EIF4G1: variants seen among roughly 807,000 people sequenced by gnomAD.
EIF4G1 encodes EIF4-gamma.
Under a neutral mutation model 187.8 loss-of-function variants are expected in EIF4G1, and 4 were observed. The ratio of observed to expected loss-of-function variants is 0.02; its 90% CI spans 0.01 to 0.05. EIF4G1 has a LOEUF of 0.05. Among genes scored for constraint, EIF4G1 ranks in the 10% least tolerant of loss-of-function variants. EIF4G1 has a pLI of 1.00. For missense variants in EIF4G1, 1,647 were observed against 2,081.1 expected (o/e 0.79, Z 4.06); for synonymous variants, 844 against 781.4 (o/e 1.08, Z -1.34).
chr3:184,331,326 C>T lies in EIF4G1; in HGVS notation c.4222C>T (p.Pro1408Ser). The T allele has an allele frequency of 6.2e-7, 1 of 1,614,176 alleles. No homozygotes were observed. The highest frequency in any genetic ancestry group is 1.1e-5 in the South Asian group (1 of 91,086). Residue 1408 changes from proline (P) to serine (S), a missense_variant, in exon 29 of 33, where the codon CCT becomes TCT. By Grantham distance (74) the Pro-to-Ser change is moderately conservative. This residue lies in a region of EIF4G1 where 543 missense variants were observed against 638.0 expected (regional missense o/e 0.85). Transcript: ENST00000346169. ...CGGGCTTAGCTGGAAGGAATTTCTACCTGAAGGCCAGGACATTGGTGCATT... is the reference window on the plus strand; with the variant it reads ...CGGGCTTAGCTGGAAGGAATTTCTATCTGAAGGCCAGGACATTGGTGCATT... ...EAGLSWKEFL[P>S]EGQDIGAFVA...
chr3:184,315,411 A>C, intron 1 of EIF4G1, 78 bp from the exon 2 acceptor site: 1 of 536,980 alleles, frequency 1.9e-6, no homozygotes, highest in South Asian at 1.4e-5. Flanking sequence ...GCCTGGTGCC[A>C]GCGAGACCTG....
chr3:184,335,142 T>C lies in EIF4G1; in HGVS notation c.*234T>C, dbSNP rs1345405009. 1.1e-5 allele frequency: 6 copies of C among 553,456 alleles called. No homozygotes were observed. The highest frequency in any genetic ancestry group is 1.9e-5 in the Non-Finnish European group (6 of 310,912). 34.3% of individuals were successfully genotyped at this position (553,456 alleles called of 1,614,324 possible). ...CTGGGGCACAGAGATATATTATATA[T>C]AAAGTCTTGAAATTTGGTGTGTCTT... On this transcript the variant is annotated 3_prime_UTR_variant, in exon 33 of 33. Coordinates refer to ENST00000346169, the MANE Select transcript of EIF4G1 (RefSeq NM_198241.3).
rs775162795 is a variant in EIF4G1 at position 184,315,505 on chromosome 3, A to G, written c.-75A>G. On this transcript the variant is annotated 5_prime_UTR_variant, in exon 2 of 33. Coordinates refer to ENST00000346169, the MANE Select transcript of EIF4G1 (RefSeq NM_198241.3). ...CAACCCCAGGCCCTCGGATGCCCAG[A>G]ACCTGTAGGCCGCACCGTGGACTTG... The G allele has an allele frequency of 8.7e-6, 6 of 690,474 alleles. No individual in the cohort carries two copies. Among genetic ancestry groups the G allele is most frequent in the South Asian group, 5.5e-5 (4 of 73,088 alleles). The allele number at this position is 690,474 out of a possible 1,614,324, so 42.8% of individuals were successfully genotyped here.
chr3:184,334,061 T>C lies in EIF4G1; in HGVS notation c.4619-666T>C, dbSNP rs370646202. On this transcript the variant is annotated intron_variant, in intron 32 of 32. Coordinates refer to ENST00000346169, the MANE Select transcript of EIF4G1 (RefSeq NM_198241.3). The surrounding 1 kb of genome is among the most constrained non-coding windows in gnomAD (Gnocchi z 5.8). The stretch of plus-strand genomic sequence containing the variant: ...AGTGTAAGGTTTGGTTTGGAAAGAC[T>C]GGTGGTGCCTTGTGGGCACTGGGGT... Among the ~76,000 whole-genome samples, 5 of 152,118 alleles carry C rather than the reference T, an allele frequency of 3.3e-5. No individual in the cohort carries two copies. The highest frequency in any genetic ancestry group is 1.9e-4 in the East Asian group (1 of 5,192).
At chr3:184,316,323 A>T in intron 4 of EIF4G1, 105 bp downstream of exon 4, 1 of 1,424,868 alleles carries the variant, frequency 7.0e-7, no homozygotes, top group Non-Finnish European at 9.6e-7. Context: ...ACCTGGCCTT[A>T]ATCCTCTGTG....
rs1726891765 is a variant in EIF4G1 at position 184,335,212 on chromosome 3, T to G, written c.*304T>G. On this transcript the variant is annotated 3_prime_UTR_variant, in exon 33 of 33. Transcript: ENST00000346169. ...ACGCCTGCCCCTGGGGTCCTTTTTTTTATTTTCTGAAAATCACTCTCGGGA... is the reference window on the plus strand; with the variant it reads ...ACGCCTGCCCCTGGGGTCCTTTTTTGTATTTTCTGAAAATCACTCTCGGGA... 5.4e-6 allele frequency: 2 copies of G among 373,618 alleles called. No individual in the cohort carries two copies. The highest frequency in any genetic ancestry group is 9.9e-6 in the Non-Finnish European group (2 of 201,118). The allele number at this position is 373,618 out of a possible 1,614,324, so 23.1% of individuals were successfully genotyped here.
intron 28 of EIF4G1, among the ~76,000 whole-genome samples, chr3:184,331,036 T>C (rs1331971594): frequency 1.3e-5 from 2 of 152,100 alleles, no homozygotes; most frequent in Non-Finnish European, 2.9e-5. Context: ...CACCGCCCGC[T>C]CCTGGGACGA....
At chr3:184,319,551 G>A in intron 6 of EIF4G1, 138 bp from the exon 7 acceptor site, 1 of 693,030 alleles carries the variant, frequency 1.4e-6, no homozygotes, top group Non-Finnish European at 2.7e-6. Context: ...TTCCCTGGGG[G>A]AGGAGGGCAG....
intron 23 of EIF4G1, 87 bp downstream of exon 23, chr3:184,327,070 T>C (rs1269096218): frequency 1.3e-6 from 2 of 1,578,028 alleles, no homozygotes; most frequent in African/African-American, 1.3e-5. Context: ...AATTTCTTCA[T>C]ACCTGTCCTG....
Position 184,321,866 on chromosome 3 carries a change from G to T in EIF4G1, c.1282G>T (p.Val428Leu). The change falls in exon 10 of 33, where the codon GTG becomes TTG. Residue 428 changes from valine to leucine, a missense_variant. Transcript: ENST00000346169. ...VSEPEEQAKE[V>L]TASMAPPTIP... ...TGAGCCAGAGGAGCAGGCCAAGGAGGTGACAGCATCAATGGCGCCCCCCAC... is the reference window on the plus strand; with the variant it reads ...TGAGCCAGAGGAGCAGGCCAAGGAGTTGACAGCATCAATGGCGCCCCCCAC... The T allele has an allele frequency of 6.2e-7, 1 of 1,614,110 alleles. No individual in the cohort carries two copies. The highest frequency in any genetic ancestry group is 8.5e-7 in the Non-Finnish European group (1 of 1,179,974).
rs199673780 is a variant in EIF4G1 at position 184,319,684 on chromosome 3, C to G, written c.425-5C>G. Reference sequence around the variant, plus strand: ...ACCATTCTTCTCCGTCCCCCCTCCCCCAAGCTGGCGCCTACTATCCAGCCC... The same window carrying G: ...ACCATTCTTCTCCGTCCCCCCTCCCGCAAGCTGGCGCCTACTATCCAGCCC... On this transcript the variant is annotated splice_region_variant and splice_polypyrimidine_tract_variant and intron_variant, in intron 6 of 32. Coordinates refer to ENST00000346169, the MANE Select transcript of EIF4G1 (RefSeq NM_198241.3). The G allele has an allele frequency of 6.0e-5, 95 of 1,574,366 alleles. No individual in the cohort carries two copies. The highest frequency in any genetic ancestry group is 8.1e-5 in the African/African-American group (6 of 74,452).
rs1724445251 is a variant in EIF4G1, at chr3:184,324,360, C to A, written c.2619+13C>A. 6.2e-7 allele frequency: 1 copy of A among 1,614,122 alleles called. No individual in the cohort carries two copies. The highest frequency in any genetic ancestry group is 8.5e-7 in the Non-Finnish European group (1 of 1,180,026). On this transcript the variant is annotated intron_variant, in intron 17 of 32. Transcript: ENST00000346169. Reference sequence around the variant, plus strand: ...TGAAGCTGCTACGGTGAGAGAAAACCCACTATCGATTCCACTCACCACTTA... The same window carrying A: ...TGAAGCTGCTACGGTGAGAGAAAACACACTATCGATTCCACTCACCACTTA...
rs1037834099 is a variant in EIF4G1, at chr3:184,327,132, C to T, written c.3429-84C>T. On this transcript the variant is annotated intron_variant, in intron 23 of 32. Transcript: ENST00000346169. ...CATACTCATTATGCTAAGAACAAGG[C>T]CCAACAGTTGCTCAGCATGTTGTGT... is the stretch of plus-strand genomic sequence containing the variant. 8.9e-6 allele frequency: 14 copies of T among 1,579,822 alleles called. No individual in the cohort carries two copies. In the African/African-American group the frequency reaches 9.4e-5, roughly 11 times the overall value.
intron 1 of EIF4G1, 154 bp from the exon 2 acceptor site, chr3:184,315,335 C>T (rs1006616669): frequency 1.9e-6 from 1 of 514,630 alleles, no homozygotes; most frequent in South Asian, 1.4e-5. Context: ...GGCCCGAACC[C>T]GGTGTCCCCG....
At chr3:184,331,390 C>T (rs761029688) in intron 29 of EIF4G1, 26 bp downstream of exon 29, 1 of 1,614,200 alleles carries the variant, frequency 6.2e-7, no homozygotes, top group Non-Finnish European at 8.5e-7. Flanking sequence ...TGGGTTAATT[C>T]TAGCATTTGA....
chr3:184,331,830 G>T (rs753800928), intron 31 of EIF4G1, 21 bp downstream of exon 31: 21 of 1,614,012 alleles, frequency 1.3e-5, no homozygotes, highest in Non-Finnish European at 1.6e-5. Flanking sequence ...CCAGGGAGAT[G>T]GAGGGGCAAG....
chr3:184,320,497 AAGGG>A, intron 7 of EIF4G1, 129 bp from the exon 8 acceptor site: 1 of 1,556,678 alleles, frequency 6.4e-7, no homozygotes, highest in Admixed American at 1.9e-5. Context: ...AGTGGAACTC[AAGGG>A]GTTTCTGGCA....
intron 9 of EIF4G1, 114 bp from the exon 10 acceptor site, chr3:184,321,168 G>T: frequency 6.6e-7 from 1 of 1,511,596 alleles, no homozygotes; most frequent in Non-Finnish European, 9.2e-7. Context: ...GCTTAGGTGG[G>T]GAGAAGATGA....
rs935121061 is a variant in EIF4G1 at position 184,334,378 on chromosome 3, T to C, written c.4619-349T>C. Among the ~76,000 whole-genome samples the C allele has an allele frequency of 2.0e-5, 3 of 152,188 alleles. No individual in the cohort carries two copies. Among genetic ancestry groups the C allele is most frequent in the African/African-American group, 7.2e-5 (3 of 41,426 alleles). On this transcript the variant is annotated intron_variant, in intron 32 of 32. Transcript: ENST00000346169. This position sits in a 1 kb window ranked among gnomAD's most constrained non-coding sequence, Gnocchi z 5.8. The stretch of plus-strand genomic sequence containing the variant: ...TACATGTAGGATATATATAGGACTT[T>C]ATGTATGATATATATAGGACTTTTA...
Sources: gnomAD v4.1 joint callset for allele counts (sites outside exome capture counted in the v4.1 genomes callset) on GRCh38, gnomAD v4.1.1 for gene constraint, gnomAD v4.1.1 regional missense constraint, Gnocchi (gnomAD v3.1) non-coding constraint, MANE v1.5 for transcripts, NCBI Gene and HGNC (gene_info 2026-07-23, HGNC 2026-07-21) for gene names.